Variants in VWC2 observed in about 807,000 individuals in gnomAD.
VWC2 encodes the protein brorin.
In VWC2, 14 loss-of-function variants were observed where a neutral mutation model predicts 29.8. The ratio of observed to expected loss-of-function variants is 0.47; its 90% CI spans 0.31 to 0.74. The LOEUF (loss-of-function observed/expected upper bound fraction) is 0.74, where lower values mean the gene tolerates loss of function less well. Ranked by LOEUF, VWC2 falls within the 30% of genes least tolerant of loss-of-function variation. The pLI is 0.05. For missense variants in VWC2, 457 were observed against 459.8 expected (o/e 0.99, Z 0.05); for synonymous variants, 213 against 199.0 (o/e 1.07, Z -0.59).
chr7:49,903,634 G>A (rs1363092822), intron 3 of VWC2, among the ~76,000 whole-genome samples: 1 of 152,204 alleles, frequency 6.6e-6, no homozygotes, highest in East Asian at 1.9e-4. Flanking sequence ...GGCAGAGGGA[G>A]GTCTTGATTG....
chr7:49,869,951 T>C (rs1354978486), intron 3 of VWC2, among the ~76,000 whole-genome samples: 2 of 152,162 alleles, frequency 1.3e-5, no homozygotes, highest in Non-Finnish European at 2.9e-5. Context: ...GATGTGGTTG[T>C]CTCAAAATAT....
At chr7:49,907,119 G>A (rs1793145875) in intron 3 of VWC2, among the ~76,000 whole-genome samples, 1 of 152,130 alleles carries the variant, frequency 6.6e-6, no homozygotes, top group Admixed American at 6.5e-5. Context: ...GTGAAAAAAA[G>A]CAAAGTACAC....
intron 3 of VWC2, among the ~76,000 whole-genome samples, chr7:49,836,479 A>C (rs1470503233): frequency 6.6e-6 from 1 of 150,818 alleles, no homozygotes; most frequent in Non-Finnish European, 1.5e-5. Flanking sequence ...AAAAAAAAAA[A>C]AACTATGAAA....
chr7:49,921,392 GTA>G lies in VWC2; in HGVS notation c.*9209_*9210del, dbSNP rs1440111248. 6.6e-5 allele frequency: 10 copies of G among 152,212 alleles called. No homozygotes were observed. The highest frequency in any genetic ancestry group is 2.0e-4 in the Admixed American group (3 of 15,286). 9.4% of individuals were successfully genotyped at this position (152,212 alleles called of 1,614,324 possible). Reference sequence around the variant, plus strand: ...CATCCTTTTAACATTTATATCATAAGTATTCTCAATAAACGTTTGCAATTTAT... The same window carrying G: ...CATCCTTTTAACATTTATATCATAAGTTCTCAATAAACGTTTGCAATTTAT... On this transcript the variant is annotated 3_prime_UTR_variant, in exon 4 of 4. Coordinates refer to ENST00000340652, the MANE Select transcript of VWC2 (RefSeq NM_198570.5).
chr7:49,817,734 A>G (rs556184), intron 3 of VWC2, among the ~76,000 whole-genome samples: 2,046 of 152,340 alleles, frequency 0.013, 54 homozygotes, highest in African/African-American at 0.048. Context: ...AAATGCCTTC[A>G]CTTAAGAGCA....
chr7:49,830,921 A>T (rs917084563), intron 3 of VWC2, among the ~76,000 whole-genome samples: 4 of 152,050 alleles, frequency 2.6e-5, no homozygotes, highest in African/African-American at 4.8e-5. Context: ...TCTATCATTG[A>T]TGGACATTTG....
intron 2 of VWC2, among the ~76,000 whole-genome samples, chr7:49,787,642 C>T (rs691275): frequency 0.012 from 1,896 of 152,306 alleles, 44 homozygotes; most frequent in African/African-American, 0.044. Context: ...TACCTCCACT[C>T]GCTGTGCTTT....
At chr7:49,852,518 A>AT (rs1030268662) in intron 3 of VWC2, among the ~76,000 whole-genome samples, 1 of 152,006 alleles carries the variant, frequency 6.6e-6, no homozygotes, top group African/African-American at 2.4e-5. Context: ...ACTTCTTAAA[A>AT]TTGGGGGGGC....
chr7:49,776,977 C>G (rs756151190), intron 2 of VWC2, among the ~76,000 whole-genome samples: 2 of 152,252 alleles, frequency 1.3e-5, no homozygotes, highest in Non-Finnish European at 2.9e-5. Context: ...AACCCTTATA[C>G]TCTACTTGAA....
intron 3 of VWC2, among the ~76,000 whole-genome samples, chr7:49,903,800 C>T (rs148806059): frequency 5.3e-5 from 8 of 152,148 alleles, no homozygotes; most frequent in East Asian, 3.9e-4. Context: ...AGTTTGGGAG[C>T]GGAGGTTTAA....
At chr7:49,830,429 C>T (rs146312559) in intron 3 of VWC2, among the ~76,000 whole-genome samples, 39 of 152,140 alleles carry the variant, frequency 2.6e-4, no homozygotes, top group Admixed American at 1.4e-3. Context: ...TTCGTTAATT[C>T]ACCTTGTATT....
chr7:49,818,641 C>T (rs1583648625), intron 3 of VWC2, among the ~76,000 whole-genome samples: 1 of 151,874 alleles, frequency 6.6e-6, no homozygotes, highest in African/African-American at 2.4e-5. Flanking sequence ...TCTGGCTAGA[C>T]CTGCTGCCGG....
At chr7:49,838,967 G>C (rs1789731412) in intron 3 of VWC2, among the ~76,000 whole-genome samples, 1 of 152,186 alleles carries the variant, frequency 6.6e-6, no homozygotes, top group Non-Finnish European at 1.5e-5. Flanking sequence ...TTTAGAAATA[G>C]GGCCTGTGAG....
chr7:49,860,474 T>C (rs1790604671), intron 3 of VWC2, among the ~76,000 whole-genome samples: 1 of 152,234 alleles, frequency 6.6e-6, no homozygotes, highest in Non-Finnish European at 1.5e-5. Context: ...TGTATGTATA[T>C]GCCGTGATTT....
At chr7:49,814,993 G>A (rs772777086) in intron 3 of VWC2, among the ~76,000 whole-genome samples, 1 of 152,184 alleles carries the variant, frequency 6.6e-6, no homozygotes, top group Non-Finnish European at 1.5e-5. Flanking sequence ...GATACTGAGT[G>A]TAGGAATTGT....
chr7:49,907,304 A>G (rs1383143803), intron 3 of VWC2, among the ~76,000 whole-genome samples: 1 of 152,224 alleles, frequency 6.6e-6, no homozygotes, highest in Non-Finnish European at 1.5e-5. Flanking sequence ...ATGGGAACAG[A>G]TGGACCTGAC....
At chr7:49,795,414 C>T (rs1432610520) in intron 2 of VWC2, among the ~76,000 whole-genome samples, 1 of 152,132 alleles carries the variant, frequency 6.6e-6, no homozygotes, top group East Asian at 1.9e-4. Flanking sequence ...GAATCAGGAC[C>T]TTGAAGGTCG....
intron 3 of VWC2, among the ~76,000 whole-genome samples, chr7:49,835,248 G>C (rs1258206205): frequency 6.6e-6 from 1 of 152,204 alleles, no homozygotes; most frequent in Non-Finnish European, 1.5e-5. Flanking sequence ...CTAGCAAGTG[G>C]CTTCAAGCAG....
chr7:49,840,536 G>C (rs1272473454), intron 3 of VWC2, among the ~76,000 whole-genome samples: 1 of 152,010 alleles, frequency 6.6e-6, no homozygotes, highest in African/African-American at 2.4e-5. Flanking sequence ...GGTGGGAGGG[G>C]GTGACTATGG....
Sources: allele counts gnomAD v4.1 joint callset (sites outside exome capture counted in the v4.1 genomes callset), GRCh38; gene constraint gnomAD v4.1.1; transcripts MANE v1.5; gene names NCBI Gene and HGNC (gene_info 2026-07-23, HGNC 2026-07-21).